Variants in SHQ1 observed in about 807,000 individuals in gnomAD.
SHQ1 encodes protein SHQ1 homolog.
A neutral mutation model predicts 53.8 loss-of-function variants in SHQ1; 49 were observed. That is an observed-to-expected ratio of 0.91 (90% CI 0.72 to 1.16). The LOEUF is 1.16. Ranked by LOEUF, SHQ1 falls within the 50% of genes most tolerant of loss-of-function variation. The pLI is 0.00. For missense variants in SHQ1, 738 were observed against 683.1 expected (o/e 1.08, Z -0.90); for synonymous variants, 243 against 251.0 (o/e 0.97, Z 0.30).
Position 72,775,201 on chromosome 3 carries a change from AC to A in SHQ1, c.1181+17714del, listed in dbSNP as rs1214780421. Among the ~76,000 whole-genome samples the A allele has an allele frequency of 2.0e-5, 3 of 152,034 alleles. No individual in the cohort carries two copies. In the East Asian group the frequency reaches 5.8e-4, roughly 29 times the overall value. Reference sequence around the variant, plus strand: ...ACAAAAATAATTTAAAAACAAAAAAACAAAGAGAGAGACAGCATGATTATCA... The same window carrying A: ...ACAAAAATAATTTAAAAACAAAAAAAAAAGAGAGAGACAGCATGATTATCA... On this transcript the variant is annotated intron_variant, in intron 10 of 10. Coordinates refer to ENST00000325599, the MANE Select transcript of SHQ1 (RefSeq NM_018130.3).
At chr3:72,816,207 T>TG (rs998837752) in intron 7 of SHQ1, among the ~76,000 whole-genome samples, 3 of 152,052 alleles carry the variant, frequency 2.0e-5, no homozygotes, top group Non-Finnish European at 4.4e-5. Flanking sequence ...AGTGCTATAA[T>TG]GTCAAGTGAA....
chr3:72,819,576 G>A (rs762564944), intron 6 of SHQ1, among the ~76,000 whole-genome samples: 1 of 152,064 alleles, frequency 6.6e-6, no homozygotes, highest in Non-Finnish European at 1.5e-5. Context: ...ATAAACAAAG[G>A]TCCTCATCCT....
At chr3:72,831,292 A>G (rs553830776) in intron 5 of SHQ1, among the ~76,000 whole-genome samples, 3 of 152,322 alleles carry the variant, frequency 2.0e-5, no homozygotes, top group South Asian at 2.1e-4. Context: ...TGCCATTCCA[A>G]TTAGTATCCT....
chr3:72,768,711 T>C (rs1193757199), intron 10 of SHQ1, among the ~76,000 whole-genome samples: 4 of 152,244 alleles, frequency 2.6e-5, no homozygotes, highest in Non-Finnish European at 5.9e-5. Context: ...AGCAGTTTTT[T>C]CCTCGACACA....
intron 8 of SHQ1, among the ~76,000 whole-genome samples, chr3:72,813,593 C>A (rs1055179195): frequency 6.6e-6 from 1 of 151,686 alleles, no homozygotes; most frequent in African/African-American, 2.4e-5. Context: ...GAAACCCCGT[C>A]TCTACTAAAA....
chr3:72,792,798 A>AC, intron 10 of SHQ1, 118 bp downstream of exon 10: 6 of 720,326 alleles, frequency 8.3e-6, no homozygotes, highest in South Asian at 6.1e-5. Context: ...AAAAAAAAAA[A>AC]AAAAAAAAAA....
In SHQ1 at chr3:72,817,261, T is replaced by C. The variant is rs1559686922; in HGVS notation, c.851A>G (p.Tyr284Cys). Residue 284 changes from tyrosine to cysteine, a missense_variant, in exon 7 of 11, where the codon TAT becomes TGT. Coordinates refer to ENST00000325599, the MANE Select transcript of SHQ1 (RefSeq NM_018130.3). The part of the protein sequence containing the change: ...SLIDILLAYC[Y>C]ETRVTEGEKN... The stretch of plus-strand genomic sequence containing the variant: ...CTCTCCTTCAGTGACACGGGTTTCA[T>C]AGCAATATGCCAGAAGGATATCAAT... 2 of 1,613,626 alleles carry C rather than the reference T, an allele frequency of 1.2e-6. No individual in the cohort carries two copies. Among genetic ancestry groups the C allele is most frequent in the South Asian group, 1.1e-5 (1 of 91,006 alleles).
chr3:72,737,757 CTT>C, the SHQ1 span, among the ~76,000 whole-genome samples: 1 of 152,146 alleles, frequency 6.6e-6, no homozygotes, highest in African/African-American at 2.4e-5. Context: ...TGGAATTATC[CTT>C]TTTATTTTTT....
intron 9 of SHQ1, among the ~76,000 whole-genome samples, chr3:72,800,004 AC>A (rs1459610911): frequency 1.3e-5 from 2 of 152,064 alleles, no homozygotes; most frequent in Non-Finnish European, 2.9e-5. Flanking sequence ...ATTTGAATGC[AC>A]CCCACAAAAA....
chr3:72,744,021 G>A, the SHQ1 span, among the ~76,000 whole-genome samples: 1 of 152,126 alleles, frequency 6.6e-6, no homozygotes, highest in Non-Finnish European at 1.5e-5. Context: ...ACATCAAGAT[G>A]GGAAAACACA....
chr3:72,777,446 C>T (rs1705981751), intron 10 of SHQ1, among the ~76,000 whole-genome samples: 1 of 152,182 alleles, frequency 6.6e-6, no homozygotes, highest in Non-Finnish European at 1.5e-5. Context: ...TGAAAAGATG[C>T]TCAGCTTCAC....
rs759739811 is a variant in SHQ1, at chr3:72,750,782, C to T, written c.1236G>A (p.Lys412=). ...AEALKEVSLT[K]AQLGLELEEL... is the part of the protein sequence containing the mutation. The stretch of plus-strand genomic sequence containing the variant: ...CTTCCAGTTCTAACCCCAGCTGGGC[C>T]TTTGTAAGGGAGACTTCCTTTAAGG... Residue 412 remains lysine, a synonymous_variant, in exon 11 of 11, where the codon AAG becomes AAA. Transcript: ENST00000325599. The T allele has an allele frequency of 3.2e-6, 5 of 1,551,086 alleles. No individual in the cohort carries two copies. The South Asian group carries it at 3.6e-5, about 11-fold the overall frequency.
chr3:72,789,931 G>A (rs1269256078), intron 10 of SHQ1, among the ~76,000 whole-genome samples: 6 of 152,184 alleles, frequency 3.9e-5, no homozygotes, highest in Admixed American at 3.3e-4. Flanking sequence ...ACAACTGGTT[G>A]CATAAGTGGC....
chr3:72,793,098 G>A (rs1219860082), intron 9 of SHQ1, 62 bp from the exon 10 acceptor site: 1 of 1,420,486 alleles, frequency 7.0e-7, no homozygotes, highest in East Asian at 2.3e-5. Context: ...ACCCTGAGAG[G>A]TAATATATCT....
chr3:72,827,155 C>T (rs1707684728), intron 5 of SHQ1, among the ~76,000 whole-genome samples: 1 of 151,782 alleles, frequency 6.6e-6, no homozygotes, highest in Non-Finnish European at 1.5e-5. Flanking sequence ...ACTCAGTGGA[C>T]AACAGTGTCC....
intron 6 of SHQ1, among the ~76,000 whole-genome samples, chr3:72,818,376 T>C (rs552728815): frequency 2.0e-5 from 3 of 152,296 alleles, no homozygotes; most frequent in East Asian, 3.9e-4. Context: ...CCTATGTCCT[T>C]GATTATTAGA....
At chr3:72,836,743 A>G (rs774569852) in intron 4 of SHQ1, among the ~76,000 whole-genome samples, 1 of 152,186 alleles carries the variant, frequency 6.6e-6, no homozygotes, top group Non-Finnish European at 1.5e-5. Flanking sequence ...TAATCAACCA[A>G]AGGGAAGAAA....
At chr3:72,747,167 C>A (rs552526811), downstream of SHQ1, among the ~76,000 whole-genome samples, 55 of 152,266 alleles carry the variant, frequency 3.6e-4, no homozygotes, top group Middle Eastern at 3.4e-3. Context: ...CTCCTCAAAG[C>A]AAATTGGTTT....
At position 72,769,226 on chromosome 3, in the gene SHQ1, G is replaced by A. The variant is rs1345451490; in HGVS notation, c.1182-18390C>T. On this transcript the variant is annotated intron_variant, in intron 10 of 10. Transcript: ENST00000325599. ...GCTCTAGCCAATTGTTACCATGTGG[G>A]GATGTGGGCCCAGCAACTGCCAGAA... is the stretch of plus-strand genomic sequence containing the variant. Among the ~76,000 whole-genome samples the A allele has an allele frequency of 2.0e-5, 3 of 152,146 alleles. No homozygotes were observed. The East Asian group carries it at 5.8e-4, about 29-fold the overall frequency.
Sources: gnomAD v4.1 joint callset for allele counts (sites outside exome capture counted in the v4.1 genomes callset) on GRCh38, gnomAD v4.1.1 for gene constraint, MANE v1.5 for transcripts, NCBI Gene and HGNC (gene_info 2026-07-23, HGNC 2026-07-21) for gene names.